HS6ST3: variants seen among roughly 807,000 people sequenced by gnomAD.
The protein encoded by HS6ST3 is heparan sulfate 6-O-sulfotransferase 3, also known as heparan-sulfate 6-O-sulfotransferase 3.
In HS6ST3, 12 loss-of-function variants were observed where a neutral mutation model predicts 36.7. The observed-to-expected ratio is 0.33, with a 90% CI of 0.21 to 0.53. The LOEUF is 0.53. Among genes scored for constraint, HS6ST3 ranks in the 20% least tolerant of loss-of-function variants. HS6ST3 has a pLI of 0.95. For synonymous variants in HS6ST3, 240 were observed against 257.5 expected, an observed-to-expected ratio of 0.93 and a Z score of 0.65; for missense variants, 584 against 640.9, an observed-to-expected ratio of 0.91 and a Z score of 0.96.
At chr13:96,165,440 G>A (rs2139331169) in intron 1 of HS6ST3, among the ~76,000 whole-genome samples, 1 of 152,202 alleles carries the variant, frequency 6.6e-6, no homozygotes, top group East Asian at 1.9e-4. Context: ...CAACTGGTGT[G>A]TTCTAGACCT....
intron 1 of HS6ST3, among the ~76,000 whole-genome samples, chr13:96,388,637 G>A (rs939000887): frequency 5.3e-5 from 8 of 152,144 alleles, no homozygotes; most frequent in African/African-American, 2.4e-5. Flanking sequence ...ATATGGTTTG[G>A]CTGTGTCCCT....
At chr13:96,727,054 A>G (rs563274850) in intron 1 of HS6ST3, among the ~76,000 whole-genome samples, 12 of 152,294 alleles carry the variant, frequency 7.9e-5, no homozygotes, top group African/African-American at 2.9e-4. Context: ...TTCTTTGATT[A>G]AAGTCTATCT....
chr13:96,184,221 A>AAAAGAG (rs1555389928), intron 1 of HS6ST3, among the ~76,000 whole-genome samples: 79 of 61,044 alleles, frequency 1.3e-3, no homozygotes, highest in Middle Eastern at 0.013. Flanking sequence ...AAAAAAAAAA[A>AAAAGAG]AGAGAGAGAG....
At chr13:96,511,384 A>G (rs1222265135) in intron 1 of HS6ST3, among the ~76,000 whole-genome samples, 2 of 152,054 alleles carry the variant, frequency 1.3e-5, no homozygotes, top group Non-Finnish European at 2.9e-5. Flanking sequence ...GAGGATTCCC[A>G]TATCCTCATC....
chr13:96,398,464 G>A (rs1324414250), intron 1 of HS6ST3, among the ~76,000 whole-genome samples: 1 of 152,058 alleles, frequency 6.6e-6, no homozygotes, highest in Admixed American at 6.5e-5. Context: ...TGTGTTTTTA[G>A]TAGAGATGGG....
chr13:96,334,214 A>G (rs1281348626), intron 1 of HS6ST3, among the ~76,000 whole-genome samples: 1 of 152,156 alleles, frequency 6.6e-6, no homozygotes, highest in Non-Finnish European at 1.5e-5. Flanking sequence ...CTCGTGTTGA[A>G]TTGTAATCCC....
At chr13:96,469,523 G>C (rs1350694435) in intron 1 of HS6ST3, among the ~76,000 whole-genome samples, 5 of 152,094 alleles carry the variant, frequency 3.3e-5, no homozygotes, top group Non-Finnish European at 7.4e-5. Flanking sequence ...TATTTCTATA[G>C]TAATTAACCA....
At chr13:96,734,664 A>G (rs1013909086) in intron 1 of HS6ST3, among the ~76,000 whole-genome samples, 1 of 152,188 alleles carries the variant, frequency 6.6e-6, no homozygotes, top group African/African-American at 2.4e-5. Flanking sequence ...CTTTTAAACC[A>G]GGCATGCTTC....
intron 1 of HS6ST3, among the ~76,000 whole-genome samples, chr13:96,464,278 A>G (rs2139494001): frequency 6.6e-6 from 1 of 151,690 alleles, no homozygotes; most frequent in East Asian, 1.9e-4. Flanking sequence ...ACATTGTTAC[A>G]TTTCTTCTCT....
In HS6ST3 at chr13:96,586,846, T is replaced by C. The variant is rs1163633334; in HGVS notation, c.708-245644T>C. On this transcript the variant is annotated intron_variant, in intron 1 of 1. Coordinates refer to ENST00000376705, the MANE Select transcript of HS6ST3 (RefSeq NM_153456.4). ...CTATTCTTGCTTTTGTTGTCTGTGCTTTTGGGGTCATATTTAAAAAGTCAT... is the reference window on the plus strand; with the variant it reads ...CTATTCTTGCTTTTGTTGTCTGTGCCTTTGGGGTCATATTTAAAAAGTCAT... Among the ~76,000 whole-genome samples, 6 of 152,304 alleles carry C rather than the reference T, an allele frequency of 3.9e-5. No homozygotes were observed. The South Asian group carries it at 1.2e-3, about 32-fold the overall frequency.
intron 1 of HS6ST3, among the ~76,000 whole-genome samples, chr13:96,157,933 A>G (rs560000989): frequency 6.6e-6 from 1 of 152,354 alleles, no homozygotes; most frequent in African/African-American, 2.4e-5. Context: ...TCAAGGAACA[A>G]TGAAGACAGA....
chr13:96,597,712 C>T (rs1316667767), intron 1 of HS6ST3, among the ~76,000 whole-genome samples: 1 of 151,550 alleles, frequency 6.6e-6, no homozygotes, highest in East Asian at 1.9e-4. Context: ...TTTTCGCATT[C>T]GTTTTTGGAG....
chr13:96,590,967 T>C (rs2056379994), intron 1 of HS6ST3, among the ~76,000 whole-genome samples: 1 of 152,126 alleles, frequency 6.6e-6, no homozygotes, highest in Non-Finnish European at 1.5e-5. Flanking sequence ...CAGTGTATGT[T>C]CTTGGTATCT....
intron 1 of HS6ST3, among the ~76,000 whole-genome samples, chr13:96,790,425 C>T (rs1877759172): frequency 6.6e-6 from 1 of 151,884 alleles, no homozygotes; most frequent in Non-Finnish European, 1.5e-5. Context: ...GTCATAAAAA[C>T]TAACTCGAGT....
chr13:96,819,285 C>A (rs1049515631), intron 1 of HS6ST3, among the ~76,000 whole-genome samples: 1 of 152,168 alleles, frequency 6.6e-6, no homozygotes, highest in Non-Finnish European at 1.5e-5. Context: ...AAAAAAGAGA[C>A]CCCAGACTTT....
At chr13:96,544,031 T>A (rs2056188127) in intron 1 of HS6ST3, among the ~76,000 whole-genome samples, 1 of 151,892 alleles carries the variant, frequency 6.6e-6, no homozygotes, top group South Asian at 2.1e-4. Context: ...AACTTGACAG[T>A]AGTCGATCTG....
At chr13:96,503,747 T>A (rs1184495939) in intron 1 of HS6ST3, among the ~76,000 whole-genome samples, 2 of 152,246 alleles carry the variant, frequency 1.3e-5, no homozygotes, top group Non-Finnish European at 2.9e-5. Flanking sequence ...ACTTTAAGTC[T>A]ATGAACACAC....
At chr13:96,465,172 C>G (rs566533467) in intron 1 of HS6ST3, among the ~76,000 whole-genome samples, 2 of 152,170 alleles carry the variant, frequency 1.3e-5, no homozygotes, top group African/African-American at 2.4e-5. Flanking sequence ...TATAACTACT[C>G]TGGAAAACAC....
intron 1 of HS6ST3, among the ~76,000 whole-genome samples, chr13:96,135,760 C>T (rs1231775909): frequency 6.6e-6 from 1 of 152,144 alleles, no homozygotes; most frequent in African/African-American, 2.4e-5. Context: ...GGCCAGAGAC[C>T]CACAGCCAGT....
Sources: allele counts gnomAD v4.1 joint callset (sites outside exome capture counted in the v4.1 genomes callset), GRCh38; gene constraint gnomAD v4.1.1; transcripts MANE v1.5; gene names NCBI Gene and HGNC (gene_info 2026-07-23, HGNC 2026-07-21).